CCNY: variants seen among roughly 807,000 people sequenced by gnomAD.
CCNY encodes cyclin Y, also known as cyclin-Y.
A neutral mutation model predicts 42.8 loss-of-function variants in CCNY; 19 were observed. The ratio of observed to expected loss-of-function variants is 0.44; its 90% CI spans 0.31 to 0.65. CCNY has a LOEUF of 0.65. Ranked by LOEUF, CCNY falls within the 30% of genes least tolerant of loss-of-function variation. The pLI is 0.07. For missense variants in CCNY, 370 were observed against 437.3 expected (o/e 0.85, Z 1.37); for synonymous variants, 165 against 162.7 (o/e 1.01, Z -0.11).
chr10:35,313,611 C>A (rs758269991), intron 3 of CCNY, among the ~76,000 whole-genome samples: 1 of 152,206 alleles, frequency 6.6e-6, no homozygotes, highest in Admixed American at 6.5e-5. Context: ...TCTACACAAC[C>A]ATCCAGTCAA....
intron 1 of CCNY, among the ~76,000 whole-genome samples, chr10:35,444,726 A>T (rs555126141): frequency 6.6e-6 from 1 of 152,366 alleles, no homozygotes; most frequent in Admixed American, 6.5e-5. Flanking sequence ...TACGCAGTGC[A>T]TGACTGAATT....
chr10:35,369,225 G>A (rs1836876488), intron 1 of CCNY, among the ~76,000 whole-genome samples: 1 of 152,178 alleles, frequency 6.6e-6, no homozygotes, highest in Non-Finnish European at 1.5e-5. Context: ...TTCCACTCCT[G>A]TGTGAGCATC....
chr10:35,523,423 C>T (rs1840589266), intron 4 of CCNY, among the ~76,000 whole-genome samples: 1 of 152,164 alleles, frequency 6.6e-6, no homozygotes, highest in Non-Finnish European at 1.5e-5. Context: ...GGGCCTGATT[C>T]AGTTGTCAGC....
rs1589139201 is a variant in CCNY, at chr10:35,467,145, A to G, written c.155-16259A>G. On this transcript the variant is annotated intron_variant, in intron 1 of 9. Transcript: ENST00000374704. ...TAGGTGTGAATAATTGTATGTACAG[A>G]TGAGTATATACGTGAGTAGAATGTA... 2.0e-5 allele frequency among the ~76,000 whole-genome samples: 3 copies of G among 152,208 alleles called. No individual in the cohort carries two copies. In the South Asian group the frequency reaches 6.2e-4, roughly 32 times the overall value.
chr10:35,411,955 T>C (rs1469284065), intron 1 of CCNY, among the ~76,000 whole-genome samples: 1 of 152,212 alleles, frequency 6.6e-6, no homozygotes, highest in Admixed American at 6.5e-5. Context: ...CATGGGAAGG[T>C]TGCAGGTGAA....
rs1166767136 is a variant in CCNY, at chr10:35,529,221, TAAATG to T, written c.402-749_402-745del. 8.5e-5 allele frequency among the ~76,000 whole-genome samples: 13 copies of T among 152,320 alleles called. No homozygotes were observed. The East Asian group carries it at 2.3e-3, about 27-fold the overall frequency. Reference sequence around the variant, plus strand: ...TTTTTCAGTATAAAATTGTGAAACTTAAATGAAGTAGTGACGTTGCGTGTTGTGAA... The same window carrying T: ...TTTTTCAGTATAAAATTGTGAAACTTAAGTAGTGACGTTGCGTGTTGTGAA... On this transcript the variant is annotated intron_variant, in intron 5 of 9. Transcript: ENST00000374704.
At chr10:35,440,924 A>G (rs934792422) in intron 1 of CCNY, among the ~76,000 whole-genome samples, 7 of 152,058 alleles carry the variant, frequency 4.6e-5, no homozygotes, top group Admixed American at 2.0e-4. Context: ...TTCACACATC[A>G]TTTTGTTTTA....
chr10:35,326,030 T>C (rs1024218469), intron 3 of CCNY, among the ~76,000 whole-genome samples: 2 of 152,128 alleles, frequency 1.3e-5, no homozygotes, highest in Admixed American at 6.6e-5. Context: ...GAGCCATGAT[T>C]ATGCCACTGC....
At chr10:35,538,084 G>A (rs1840922608) in intron 7 of CCNY, among the ~76,000 whole-genome samples, 1 of 152,108 alleles carries the variant, frequency 6.6e-6, no homozygotes, top group African/African-American at 2.4e-5. Flanking sequence ...GGTTTTATAA[G>A]GGGAAACTCC....
intron 2 of CCNY, among the ~76,000 whole-genome samples, chr10:35,487,983 A>G (rs1160396853): frequency 1.3e-5 from 2 of 152,214 alleles, no homozygotes; most frequent in African/African-American, 4.8e-5. Flanking sequence ...CAAAGATGTG[A>G]GAGCTTAATA....
chr10:35,383,456 C>T (rs1265113897), intron 1 of CCNY, among the ~76,000 whole-genome samples: 3 of 151,940 alleles, frequency 2.0e-5, no homozygotes, highest in African/African-American at 7.3e-5. Context: ...TACAGGCATC[C>T]GCCACCACGC....
At chr10:35,307,474 A>C (rs1325507774) in intron 3 of CCNY, among the ~76,000 whole-genome samples, 1 of 152,190 alleles carries the variant, frequency 6.6e-6, no homozygotes, top group Non-Finnish European at 1.5e-5. Flanking sequence ...AAGCCAACAA[A>C]CATTAAGCAC....
chr10:35,532,683 C>T (rs772099122), intron 7 of CCNY, among the ~76,000 whole-genome samples: 4 of 152,204 alleles, frequency 2.6e-5, no homozygotes, highest in Non-Finnish European at 5.9e-5. Flanking sequence ...GTACCTGCAG[C>T]AGCTGGAGGA....
rs1427942701 is a variant in CCNY, at chr10:35,478,531, T to C, written c.155-4873T>C. ...TTTGACAAACCTGAGAAAAACCAGCTATGGGGAAAGGATTCCCTATTTAAT... is the reference window on the plus strand; with the variant it reads ...TTTGACAAACCTGAGAAAAACCAGCCATGGGGAAAGGATTCCCTATTTAAT... On this transcript the variant is annotated intron_variant, in intron 1 of 9. Transcript: ENST00000374704. Among the ~76,000 whole-genome samples, 4 of 152,110 alleles carry C rather than the reference T, an allele frequency of 2.6e-5. No individual in the cohort carries two copies. The South Asian group carries it at 8.3e-4, about 31-fold the overall frequency.
intron 1 of CCNY, among the ~76,000 whole-genome samples, chr10:35,454,953 A>C (rs1488169374): frequency 6.6e-6 from 1 of 152,224 alleles, no homozygotes; most frequent in Admixed American, 6.5e-5. Flanking sequence ...GGGCCTGATG[A>C]ACCTGAAAAC....
intron 8 of CCNY, among the ~76,000 whole-genome samples, chr10:35,562,448 C>A (rs1436708829): frequency 6.6e-6 from 1 of 152,188 alleles, no homozygotes; most frequent in Admixed American, 6.5e-5. Context: ...TGAAACTCTC[C>A]CCCTGTTAAA....
At chr10:35,487,685 G>C (rs917789181) in intron 2 of CCNY, among the ~76,000 whole-genome samples, 1 of 152,110 alleles carries the variant, frequency 6.6e-6, no homozygotes, top group Non-Finnish European at 1.5e-5. Flanking sequence ...TAAGTAGCCT[G>C]CTCATCAGAC....
chr10:35,439,431 A>G (rs1838616185), intron 1 of CCNY, among the ~76,000 whole-genome samples: 1 of 151,798 alleles, frequency 6.6e-6, no homozygotes, highest in Non-Finnish European at 1.5e-5. Flanking sequence ...TTCTGTTGTT[A>G]TATTTTTCAG....
intron 7 of CCNY, among the ~76,000 whole-genome samples, chr10:35,548,742 G>A (rs1372943419): frequency 6.6e-6 from 1 of 152,224 alleles, no homozygotes; most frequent in Non-Finnish European, 1.5e-5. Context: ...AGGTGGAGAA[G>A]GTGGAAGGGA....
Sources: gnomAD v4.1 joint callset for allele counts (sites outside exome capture counted in the v4.1 genomes callset) on GRCh38, gnomAD v4.1.1 for gene constraint, MANE v1.5 for transcripts, NCBI Gene and HGNC (gene_info 2026-07-23, HGNC 2026-07-21) for gene names.